Variants in MCF2L2 observed in about 807,000 individuals in gnomAD.
MCF2L2 encodes the protein MCF.2 cell line derived transforming sequence-like 2, also known as probable guanine nucleotide exchange factor MCF2L2.
MCF2L2 carries 102 observed loss-of-function variants against 150.2 expected under a neutral mutation model. The ratio of observed to expected loss-of-function variants is 0.68; its 90% CI spans 0.58 to 0.80. The LOEUF (loss-of-function observed/expected upper bound fraction) is 0.80, where lower values mean the gene tolerates loss of function less well. Among genes scored for constraint, MCF2L2 ranks in the 30% least tolerant of loss-of-function variants. The pLI, the probability that MCF2L2 is intolerant of heterozygous loss-of-function variation, is 0.00. For missense variants in MCF2L2, 1,256 were observed against 1,372.8 expected (o/e 0.91, Z 1.34); for synonymous variants, 465 against 491.3 (o/e 0.95, Z 0.71).
In MCF2L2 at chr3:183,228,026, T is replaced by TACACACACACACACACACACACAC. The variant is rs144915150; in HGVS notation, c.2115+270_2115+271insGTGTGTGTGTGTGTGTGTGTGTGT. On this transcript the variant is annotated intron_variant, in intron 18 of 29. Transcript: ENST00000328913. The stretch of plus-strand genomic sequence containing the variant: ...TGTTTTTGGATTATATATATATACA[T>TACACACACACACACACACACACAC]ATACACACACACACACACACAATGG... 7.0e-4 allele frequency: 98 copies of TACACACACACACACACACACACAC among 140,320 alleles called. 2 individuals are homozygous for TACACACACACACACACACACACAC. Among genetic ancestry groups the TACACACACACACACACACACACAC allele is most frequent in the East Asian group, 3.9e-3 (21 of 5,348 alleles). 8.7% of individuals were successfully genotyped at this position (140,320 alleles called of 1,614,324 possible).
At chr3:183,259,319 G>A (rs2108411297) in intron 15 of MCF2L2, among the ~76,000 whole-genome samples, 1 of 152,220 alleles carries the variant, frequency 6.6e-6, no homozygotes, top group East Asian at 1.9e-4. Flanking sequence ...GCAGGGGTGG[G>A]GCTAGGAGTA....
intron 15 of MCF2L2, among the ~76,000 whole-genome samples, chr3:183,247,152 C>T (rs141771868): frequency 3.3e-5 from 5 of 152,270 alleles, no homozygotes; most frequent in East Asian, 1.9e-4. Flanking sequence ...GTCAGGGCTC[C>T]GAGCACTAAG....
At chr3:183,427,181 G>T (rs1716209551) in intron 1 of MCF2L2, among the ~76,000 whole-genome samples, 1 of 152,202 alleles carries the variant, frequency 6.6e-6, no homozygotes, top group Non-Finnish European at 1.5e-5. Context: ...GGGGAAGAAA[G>T]TGCTAAGAAA....
chr3:183,413,603 G>A (rs951430219), intron 1 of MCF2L2, among the ~76,000 whole-genome samples: 6 of 152,120 alleles, frequency 3.9e-5, no homozygotes, highest in Admixed American at 1.3e-4. Flanking sequence ...TCCAGGATGC[G>A]GTCAAGACGC....
intron 3 of MCF2L2, 38 bp downstream of exon 3, chr3:183,379,259 C>A: frequency 1.4e-6 from 2 of 1,474,734 alleles, no homozygotes; most frequent in Non-Finnish European, 1.9e-6. Flanking sequence ...TGGAATAAAG[C>A]CAGTGCCTAA....
chr3:183,205,240 G>A (rs1247670240), intron 25 of MCF2L2, among the ~76,000 whole-genome samples: 19 of 152,228 alleles, frequency 1.2e-4, no homozygotes, highest in South Asian at 4.2e-4. Flanking sequence ...TTAGCCAGGC[G>A]TGTTGGCGCG....
chr3:183,340,353 AC>A (rs1316735970), intron 4 of MCF2L2, among the ~76,000 whole-genome samples: 1 of 152,070 alleles, frequency 6.6e-6, no homozygotes, highest in African/African-American at 2.4e-5. Flanking sequence ...CCACACTACC[AC>A]ATCCATCCTC....
intron 15 of MCF2L2, chr3:183,254,519 C>G (rs1159057378): frequency 6.6e-6 from 1 of 152,154 alleles, no homozygotes; most frequent in African/African-American, 2.4e-5. Context: ...GCTCGGGGGC[C>G]GGGCAGCTCC....
intron 15 of MCF2L2, chr3:183,273,009 A>G: frequency 6.8e-7 from 1 of 1,478,914 alleles, no homozygotes. Context: ...TTTTCTAAGA[A>G]GGAAGTTGCT....
In MCF2L2 at chr3:183,267,534, G is replaced by A. The variant is rs918465028; in HGVS notation, c.1862+9338C>T. The stretch of plus-strand genomic sequence containing the variant: ...TTTTCTATCAGGGGTCAACCGGCGG[G>A]GGGACTTGAGAACAGATCTCTGGGC... On this transcript the variant is annotated intron_variant, in intron 15 of 29. Transcript: ENST00000328913. The surrounding 1 kb of genome is among the most constrained non-coding windows in gnomAD (Gnocchi z 5.5). Among the ~76,000 whole-genome samples the A allele has an allele frequency of 2.0e-5, 3 of 152,340 alleles. No individual in the cohort carries two copies. The East Asian group carries it at 5.8e-4, about 29-fold the overall frequency.
chr3:183,311,900 T>C (rs1729395062), intron 7 of MCF2L2, 128 bp from the exon 8 acceptor site: 1 of 784,206 alleles, frequency 1.3e-6, no homozygotes, highest in African/African-American at 1.8e-5. Context: ...GAAGTCAAGA[T>C]GCAGCTTTAA....
rs61469447 is a variant in MCF2L2, at chr3:183,181,435, G to C, written c.3017-1276C>G. Among the ~76,000 whole-genome samples the C allele has an allele frequency of 0.17, 25,518 of 151,944 alleles. 2,416 individuals carry two copies. The highest frequency in any genetic ancestry group is 0.3 in the East Asian group (1,544 of 5,100). On this transcript the variant is annotated intron_variant, in intron 27 of 29. Coordinates refer to ENST00000328913, the MANE Select transcript of MCF2L2 (RefSeq NM_015078.4). The surrounding 1 kb of genome is among the most constrained non-coding windows in gnomAD (Gnocchi z 4.3). Reference sequence around the variant, plus strand: ...TCTCAGGTTGAAGCAAGTCCTGGTTGAGTTCCTAGTCCCAGGAGGTGGGAG... The same window carrying C: ...TCTCAGGTTGAAGCAAGTCCTGGTTCAGTTCCTAGTCCCAGGAGGTGGGAG...
intron 1 of MCF2L2, chr3:183,400,378 T>C (rs745909153): frequency 2.7e-4 from 122 of 456,218 alleles, no homozygotes; most frequent in Non-Finnish European, 4.9e-4. Context: ...TCCAGCCTGA[T>C]GCAACTTCCT....
At chr3:183,219,792 C>T in intron 21 of MCF2L2, 64 bp downstream of exon 21, 1 of 1,103,836 alleles carries the variant, frequency 9.1e-7, no homozygotes, top group Non-Finnish European at 1.4e-6. Flanking sequence ...TATAAATCCT[C>T]CGACCCATAG....
chr3:183,410,080 C>CA (rs1023631263), intron 1 of MCF2L2, among the ~76,000 whole-genome samples: 17 of 152,172 alleles, frequency 1.1e-4, no homozygotes, highest in African/African-American at 4.1e-4. Flanking sequence ...ATAAATTGGA[C>CA]AACTAGTGCA....
At chr3:183,215,947 C>G (rs1722894475) in intron 22 of MCF2L2, 22 bp downstream of exon 22, 1 of 1,609,016 alleles carries the variant, frequency 6.2e-7, no homozygotes, top group Admixed American at 1.7e-5. Flanking sequence ...GTGAGATGCT[C>G]TAACACTACT....
At chr3:183,239,230 C>T (rs1186368330) in intron 15 of MCF2L2, among the ~76,000 whole-genome samples, 10 of 152,072 alleles carry the variant, frequency 6.6e-5, no homozygotes, top group Non-Finnish European at 8.8e-5. Flanking sequence ...ATGTACTCTG[C>T]GTTAGTTTAC....
At chr3:183,200,895 T>G (rs1241096210) in intron 25 of MCF2L2, among the ~76,000 whole-genome samples, 1 of 152,184 alleles carries the variant, frequency 6.6e-6, no homozygotes, top group Non-Finnish European at 1.5e-5. Context: ...TTTCCCTATT[T>G]CTTGTTTTTG....
At chr3:183,277,666 T>C (rs1346171829) in intron 14 of MCF2L2, among the ~76,000 whole-genome samples, 2 of 150,952 alleles carry the variant, frequency 1.3e-5, no homozygotes, top group Non-Finnish European at 3.0e-5. Context: ...AATATATATA[T>C]ATATATTTGT....
Sources: gnomAD v4.1 joint callset for allele counts (sites outside exome capture counted in the v4.1 genomes callset) on GRCh38, gnomAD v4.1.1 for gene constraint, Gnocchi (gnomAD v3.1) non-coding constraint, MANE v1.5 for transcripts, NCBI Gene and HGNC (gene_info 2026-07-23, HGNC 2026-07-21) for gene names.